The following KMT5B variants were observed in gnomAD, a reference collection of about 807,000 sequenced individuals.
KMT5B encodes lysine methyltransferase 5B.
In KMT5B, 10 loss-of-function variants were observed where a neutral mutation model predicts 83.2. The ratio of observed to expected loss-of-function variants is 0.12; its 90% CI spans 0.07 to 0.20. The LOEUF is 0.20. KMT5B is among the 10% of genes least tolerant of loss of function. The pLI is 1.00. For synonymous variants in KMT5B, 349 were observed against 388.8 expected (o/e 0.90, Z 1.20); for missense variants, 753 against 1,067.2 (o/e 0.71, Z 4.10).
rs755270437 is a variant in KMT5B, at chr11:68,158,967, C to T, written c.1379G>A (p.Arg460Gln). ...SKIKLRNHCK[R>Q]LEQKNASRKL... is the part of the protein sequence containing the mutation. Reference sequence around the variant, plus strand: ...TCTTGAAGCATTCTTTTGCTCCAGCCGCTTGCAATGATTTCTCAATTTTAT... The same window carrying T: ...TCTTGAAGCATTCTTTTGCTCCAGCTGCTTGCAATGATTTCTCAATTTTAT... Residue 460 changes from arginine (R) to glutamine (Q), a missense_variant, in exon 11 of 11, where the codon CGG becomes CAG. This residue lies in a region of KMT5B where 397 missense variants were observed against 395.9 expected (regional missense o/e 1.00). Coordinates refer to ENST00000304363, the MANE Select transcript of KMT5B (RefSeq NM_017635.5). 1.6e-5 allele frequency: 25 copies of T among 1,612,312 alleles called. No individual in the cohort carries two copies. The highest frequency in any genetic ancestry group is 1.9e-5 in the Non-Finnish European group (22 of 1,179,730).
chr11:68,193,537 A>G (rs1858342513), intron 1 of KMT5B, among the ~76,000 whole-genome samples: 1 of 152,110 alleles, frequency 6.6e-6, no homozygotes, highest in South Asian at 2.1e-4. Context: ...ATCAATGCTA[A>G]AGACAACTTT....
chr11:68,184,588 C>T (rs1408119179), intron 3 of KMT5B, among the ~76,000 whole-genome samples: 3 of 152,142 alleles, frequency 2.0e-5, no homozygotes, highest in Non-Finnish European at 4.4e-5. Flanking sequence ...CAGTGACCAC[C>T]TACCTGGGTA....
intron 10 of KMT5B, among the ~76,000 whole-genome samples, chr11:68,161,197 AT>A (rs964516334): frequency 2.2e-4 from 34 of 151,868 alleles, no homozygotes; most frequent in African/African-American, 8.0e-4. Context: ...GTGATAGCAA[AT>A]TTTTTTTTAA....
At chr11:68,211,123 T>C (rs1860838563) in intron 1 of KMT5B, among the ~76,000 whole-genome samples, 11 of 152,088 alleles carry the variant, frequency 7.2e-5, no homozygotes, top group Admixed American at 7.2e-4. Flanking sequence ...CAACCTCCTT[T>C]TTAAATAACC....
At chr11:68,175,548 C>T (rs928639633) in intron 4 of KMT5B, among the ~76,000 whole-genome samples, 2 of 152,128 alleles carry the variant, frequency 1.3e-5, no homozygotes, top group East Asian at 1.9e-4. Context: ...TTACACTAGT[C>T]GTCAACTTTG....
chr11:68,161,793 G>T (rs2153043054), intron 10 of KMT5B, among the ~76,000 whole-genome samples: 1 of 152,258 alleles, frequency 6.6e-6, no homozygotes. Context: ...TCAGGTCTGT[G>T]TAGTCCTAGG....
At chr11:68,183,559 A>C (rs1857152082) in intron 3 of KMT5B, among the ~76,000 whole-genome samples, 1 of 151,586 alleles carries the variant, frequency 6.6e-6, no homozygotes, top group Non-Finnish European at 1.5e-5. Context: ...GGGTTTCAGC[A>C]TGTTGGCCAG....
chr11:68,202,027 A>C (rs1481356669), intron 1 of KMT5B, among the ~76,000 whole-genome samples: 1 of 152,074 alleles, frequency 6.6e-6, no homozygotes, highest in Non-Finnish European at 1.5e-5. Context: ...AGATTGCACC[A>C]CTGCACTCTA....
intron 10 of KMT5B, chr11:68,166,085 A>T: frequency 1.3e-6 from 2 of 1,507,160 alleles, no homozygotes; most frequent in Non-Finnish European, 8.9e-7. Flanking sequence ...ACAAAGGCAT[A>T]CTTTCGGAAT....
intron 1 of KMT5B, among the ~76,000 whole-genome samples, chr11:68,203,123 G>A (rs1859662717): frequency 6.6e-6 from 1 of 151,922 alleles, no homozygotes; most frequent in Non-Finnish European, 1.5e-5. Flanking sequence ...TTACAGGTGT[G>A]TGCCATCACA....
intron 1 of KMT5B, among the ~76,000 whole-genome samples, chr11:68,196,856 A>G (rs1858782172): frequency 6.6e-6 from 1 of 152,228 alleles, no homozygotes; most frequent in African/African-American, 2.4e-5. Context: ...ATCATGGAAC[A>G]ATGTACTTTT....
intron 1 of KMT5B, among the ~76,000 whole-genome samples, chr11:68,193,410 A>T (rs918018641): frequency 1.2e-4 from 19 of 152,084 alleles, no homozygotes; most frequent in African/African-American, 4.3e-4. Context: ...CAAAACATGA[A>T]TTTTTACTTG....
At chr11:68,172,393 C>T (rs1855920394) in intron 6 of KMT5B, among the ~76,000 whole-genome samples, 1 of 147,630 alleles carries the variant, frequency 6.8e-6, no homozygotes, top group East Asian at 2.1e-4. Flanking sequence ...CCACACCTAG[C>T]TCATTTTTTT....
rs149188370 is a variant in KMT5B at position 68,166,829 on chromosome 11, A to T, written c.1174+153T>A. On this transcript the variant is annotated intron_variant, in intron 10 of 10. Coordinates refer to ENST00000304363, the MANE Select transcript of KMT5B (RefSeq NM_017635.5). ...TGGGATACAGACTGTGCCTCTACTC[A>T]AATCACGTCTAGAGCCTTGAAGTGC... 412 of 1,448,960 alleles carry T rather than the reference A, an allele frequency of 2.8e-4. 1 individual carries two copies. In the African/African-American group the frequency reaches 5.2e-3, roughly 18 times the overall value. 89.8% of individuals were successfully genotyped at this position (1,448,960 alleles called of 1,614,324 possible).
intron 1 of KMT5B, among the ~76,000 whole-genome samples, chr11:68,209,382 G>C (rs1354720151): frequency 6.6e-6 from 1 of 152,168 alleles, no homozygotes; most frequent in Non-Finnish European, 1.5e-5. Flanking sequence ...CAGTCGTTGA[G>C]TCAGGGAAGA....
rs569946293 is a variant in KMT5B, at chr11:68,155,346, A to T, written c.*2342T>A. 2 of 152,008 alleles carry T rather than the reference A, an allele frequency of 1.3e-5. No individual in the cohort carries two copies. The highest frequency in any genetic ancestry group is 4.2e-4 in the South Asian group (2 of 4,802). The allele number at this position is 152,008 out of a possible 1,614,324, so 9.4% of individuals were successfully genotyped here. ...GGCTGCTGAGTGCTTGTGCATACCGACTCCTGAGAGGCAGTGATTTACTAC... is the reference window on the plus strand; with the variant it reads ...GGCTGCTGAGTGCTTGTGCATACCGTCTCCTGAGAGGCAGTGATTTACTAC... On this transcript the variant is annotated 3_prime_UTR_variant, in exon 11 of 11. Coordinates refer to ENST00000304363, the MANE Select transcript of KMT5B (RefSeq NM_017635.5).
At chr11:68,202,260 T>C (rs1859528826) in intron 1 of KMT5B, among the ~76,000 whole-genome samples, 1 of 152,168 alleles carries the variant, frequency 6.6e-6, no homozygotes. Flanking sequence ...TGCTACATGT[T>C]CAACTTTTCA....
chr11:68,170,777 TTAGC>T (rs1855767485), intron 9 of KMT5B, among the ~76,000 whole-genome samples: 1 of 152,204 alleles, frequency 6.6e-6, no homozygotes, highest in Non-Finnish European at 1.5e-5. Context: ...TGGCCCACTC[TTAGC>T]TGGTAATATT....
At chr11:68,204,817 A>G (rs530849788) in intron 1 of KMT5B, among the ~76,000 whole-genome samples, 131 of 152,010 alleles carry the variant, frequency 8.6e-4, no homozygotes, top group African/African-American at 3.1e-3. Flanking sequence ...GGGTTTCGCC[A>G]TGTTGGCCAG....
Sources: allele counts gnomAD v4.1 joint callset (sites outside exome capture counted in the v4.1 genomes callset), GRCh38; gene constraint gnomAD v4.1.1; regional missense constraint gnomAD v4.1.1; transcripts MANE v1.5; gene names NCBI Gene and HGNC (gene_info 2026-07-23, HGNC 2026-07-21).